IGFN1: variants seen among roughly 807,000 people sequenced by gnomAD.
IGFN1 encodes the protein immunoglobulin-like and fibronectin type III domain-containing protein 1.
IGFN1 carries 253 observed loss-of-function variants against 289.5 expected under a neutral mutation model. The observed-to-expected ratio is 0.87, with a 90% CI of 0.79 to 0.97. The LOEUF is 0.97. Ranked by LOEUF, IGFN1 falls within the 50% of genes least tolerant of loss-of-function variation. The pLI, the probability that IGFN1 is intolerant of heterozygous loss-of-function variation, is 0.00. For synonymous variants in IGFN1, 1,706 were observed against 1,788.5 expected, an observed-to-expected ratio of 0.95 and a Z score of 1.16; for missense variants, 4,470 against 4,686.1, an observed-to-expected ratio of 0.95 and a Z score of 1.35.
Position 201,216,878 on chromosome 1 carries a change from G to T in IGFN1, c.9595+125G>T. The T allele has an allele frequency of 5.3e-6, 4 of 749,682 alleles. No homozygotes were observed. The South Asian group carries it at 7.3e-5, about 14-fold the overall frequency. 46.4% of individuals were successfully genotyped at this position (749,682 alleles called of 1,614,324 possible). On this transcript the variant is annotated intron_variant, in intron 16 of 23. Transcript: ENST00000335211. ...TGCTCGGGGCTTCGGAGGCCCTTCT[G>T]TAGCACTCTGGAGACTCCTTCCCTC...
chr1:201,217,201 T>A (rs770401303), intron 16 of IGFN1, 86 bp from the exon 17 acceptor site: 1 of 1,217,440 alleles, frequency 8.2e-7, no homozygotes, highest in Non-Finnish European at 1.2e-6. Flanking sequence ...CTGTCCCAGA[T>A]GCCTGTGCCC....
Position 201,206,838 on chromosome 1 carries a change from G to C in IGFN1, c.1945G>C (p.Gly649Arg). 1 of 1,536,960 alleles carries C rather than the reference G, an allele frequency of 6.5e-7. No individual in the cohort carries two copies. Among genetic ancestry groups the C allele is most frequent in the Non-Finnish European group, 8.7e-7 (1 of 1,146,862 alleles). ...DRGDAPSRERGRGIVVWGGGT... is the reference protein window; with the variant it reads ...DRGDAPSRERRRGIVVWGGGT... ...AGGGGATGCTCCAAGTAGGGAAAGG[G>C]GGAGAGGAATAGTAGTGTGGGGTGG... Residue 649 changes from glycine to arginine, a missense_variant, in exon 12 of 24, where the codon GGG (glycine) becomes CGG (arginine). Gly to Arg is a moderately radical substitution (Grantham distance 125). Transcript: ENST00000335211.
At chr1:201,194,300 G>A (rs964126609) in intron 3 of IGFN1, 27 bp downstream of exon 3, 1 of 1,549,726 alleles carries the variant, frequency 6.5e-7, no homozygotes, top group East Asian at 2.4e-5. Flanking sequence ...GCTGCGGAGG[G>A]GAGGCAAGAT....
Position 201,208,511 on chromosome 1 carries a change from T to G in IGFN1, c.3618T>G (p.Tyr1206Ter). ...CCGCTTCTGGGAGCCAGTGGGCTTA[T>G]GGGGCTGGCAATGTGCTGGGTTATG... ...NGAASGSQWA[Y>*]GAGNVLGYED... Residue 1206 changes from tyrosine to a stop codon, truncating the protein, a stop_gained, in exon 12 of 24, where the codon TAT (tyrosine) becomes TAG (stop). Coordinates refer to ENST00000335211, the MANE Select transcript of IGFN1 (RefSeq NM_001164586.2). LOFTEE classifies it high-confidence loss of function. 6.9e-7 allele frequency: 1 copy of G among 1,451,478 alleles called. No individual in the cohort carries two copies. The highest frequency in any genetic ancestry group is 9.0e-7 in the Non-Finnish European group (1 of 1,110,128). The allele number at this position is 1,451,478 out of a possible 1,614,324, so 89.9% of individuals were successfully genotyped here. A position where few individuals can be genotyped will look rare whatever the true frequency, so the allele number is the denominator to read the frequency against.
At chr1:201,221,949 A>G (rs1264506015) in intron 19 of IGFN1, among the ~76,000 whole-genome samples, 3 of 152,228 alleles carry the variant, frequency 2.0e-5, no homozygotes, top group East Asian at 1.9e-4. Flanking sequence ...ACTCATAACT[A>G]TACTACAATA....
At position 201,218,657 on chromosome 1, in the gene IGFN1, G is replaced by T; in HGVS notation, c.9897G>T (p.Met3299Ile). 1 of 1,602,780 alleles carries T rather than the reference G, an allele frequency of 6.2e-7. No homozygotes were observed. Among genetic ancestry groups the T allele is most frequent in the Non-Finnish European group, 8.5e-7 (1 of 1,178,444 alleles). Reference protein sequence around the residue: ...PSDAVFARDPMRPPGLVRNLQ... With the variant: ...PSDAVFARDPIRPPGLVRNLQ... Reference sequence around the variant, plus strand: ...ATGCTGTCTTTGCTCGGGACCCCATGAGTAAGTAGGGCACCAACCCAGGAT... The same window carrying T: ...ATGCTGTCTTTGCTCGGGACCCCATTAGTAAGTAGGGCACCAACCCAGGAT... Residue 3299 changes from methionine (M) to isoleucine (I), a missense_variant and splice_region_variant, in exon 18 of 24, where the codon ATG becomes ATT. By Grantham distance (10) the Met-to-Ile change is conservative. Coordinates refer to ENST00000335211, the MANE Select transcript of IGFN1 (RefSeq NM_001164586.2).
chr1:201,195,149 C>CT (rs149647238), intron 3 of IGFN1, among the ~76,000 whole-genome samples: 85 of 147,122 alleles, frequency 5.8e-4, no homozygotes, highest in African/African-American at 7.3e-4. Context: ...AAAATCTCTT[C>CT]TTTTTTTTTT....
Position 201,225,824 on chromosome 1 carries a change from C to T in IGFN1, c.10487C>T (p.Ala3496Val). The change falls in exon 22 of 24, where the codon GCA becomes GTA. Residue 3496 changes from alanine to valine, a missense_variant and splice_region_variant. Ala to Val is a moderately conservative substitution (Grantham distance 64). Transcript: ENST00000335211. ...CCTCCCTCTGCCGTCTCTCCTGAAG[C>T]ATGCCCGCAGGCCCCTGGGCCCATC... ...VAHSFRIRVA[A>V]CPQAPGPIHL... 1.2e-6 allele frequency: 2 copies of T among 1,609,754 alleles called. No homozygotes were observed. Among genetic ancestry groups the T allele is most frequent in the Middle Eastern group, 3.7e-4 (2 of 5,348 alleles).
At chr1:201,202,357 G>A (rs147820875) in intron 9 of IGFN1, among the ~76,000 whole-genome samples, 2 of 152,234 alleles carry the variant, frequency 1.3e-5, no homozygotes, top group East Asian at 3.9e-4. Context: ...TTGTGAACTG[G>A]GGATAATATA....
Position 201,194,188 on chromosome 1 carries a change from C to A in IGFN1, c.42C>A (p.Ser14Arg), listed in dbSNP as rs773343563. ...GGAAGTCCCACATCCCTGGAGTGAG[C>A]ATCTGGCAGCTGGTGGAGGAGATCC... is the stretch of plus-strand genomic sequence containing the variant. ...KLRKSHIPGVSIWQLVEEIPE... is the reference protein window; with the variant it reads ...KLRKSHIPGVRIWQLVEEIPE... The change falls in exon 3 of 24, where the codon AGC becomes AGA. Residue 14 changes from serine to arginine, a missense_variant. Coordinates refer to ENST00000335211, the MANE Select transcript of IGFN1 (RefSeq NM_001164586.2). 11 of 1,551,530 alleles carry A rather than the reference C, an allele frequency of 7.1e-6. No individual in the cohort carries two copies. Among genetic ancestry groups the A allele is most frequent in the Non-Finnish European group, 9.6e-6 (11 of 1,146,958 alleles).
chr1:201,219,029 C>A (rs1653533091), intron 18 of IGFN1, among the ~76,000 whole-genome samples: 1 of 147,914 alleles, frequency 6.8e-6, no homozygotes, highest in Non-Finnish European at 1.5e-5. Context: ...CAGAGGGAGA[C>A]CCTGTTACAA....
Position 201,208,653 on chromosome 1 carries a change from G to A in IGFN1, c.3760G>A (p.Asp1254Asn). The A allele has an allele frequency of 6.5e-7, 1 of 1,535,354 alleles. No homozygotes were observed. Among genetic ancestry groups the A allele is most frequent in the South Asian group, 1.2e-5 (1 of 83,696 alleles). ...TGPGGEAGFR[D>N]GSGGLQGMGS... ...GCCAGGGGGTGAGGCAGGCTTTAGA[G>A]ATGGTTCAGGAGGCCTCCAAGGAAT... is the stretch of plus-strand genomic sequence containing the variant. Residue 1254 changes from aspartate (D) to asparagine (N), a missense_variant, in exon 12 of 24, where the codon GAT becomes AAT. Transcript: ENST00000335211.
chr1:201,211,519 T>C lies in IGFN1; in HGVS notation c.6626T>C (p.Val2209Ala). The C allele has an allele frequency of 6.7e-7, 1 of 1,494,056 alleles. No individual in the cohort carries two copies. The highest frequency in any genetic ancestry group is 8.9e-7 in the Non-Finnish European group (1 of 1,124,732). 92.5% of individuals were successfully genotyped at this position (1,494,056 alleles called of 1,614,324 possible). Reference protein sequence around the residue: ...GLGGSEEMGSVNKAGYRKDLG... With the variant: ...GLGGSEEMGSANKAGYRKDLG... ...GGGGGTTCTGAAGAAATGGGGTCAG[T>C]GAATAAGGCAGGTTATAGGAAGGAT... The change falls in exon 12 of 24, where the codon GTG becomes GCG. Residue 2209 changes from valine (V) to alanine (A), a missense_variant. This residue lies in a region of IGFN1 where 2,218 missense variants were observed against 2,114.1 expected (regional missense o/e 1.05). Coordinates refer to ENST00000335211, the MANE Select transcript of IGFN1 (RefSeq NM_001164586.2).
At position 201,216,629 on chromosome 1, in the gene IGFN1, C is replaced by A; in HGVS notation, c.9471C>A (p.Asp3157Glu). 1.2e-6 allele frequency: 2 copies of A among 1,613,982 alleles called. No individual in the cohort carries two copies. The highest frequency in any genetic ancestry group is 8.5e-7 in the Non-Finnish European group (1 of 1,179,938). The change falls in exon 16 of 24, where the codon GAC becomes GAA. Residue 3157 changes from aspartate (D) to glutamate (E), a missense_variant. Physicochemically the swap from Asp to Glu is conservative, Grantham distance 45. Around this residue, in one of 8 missense-constraint regions of IGFN1, gnomAD observed 2,218 missense variants for 2,114.1 expected, o/e 1.05. Coordinates refer to ENST00000335211, the MANE Select transcript of IGFN1 (RefSeq NM_001164586.2). ...TWLKVGEAPA[D>E]STTFTDAHVE... ...TGAAGGTGGGCGAGGCCCCCGCTGACAGCACCACCTTCACGGATGCCCATG... is the reference window on the plus strand; with the variant it reads ...TGAAGGTGGGCGAGGCCCCCGCTGAAAGCACCACCTTCACGGATGCCCATG...
At position 201,214,313 on chromosome 1, in the gene IGFN1, C is replaced by A; in HGVS notation, c.8853+12C>A. 6.3e-7 allele frequency: 1 copy of A among 1,597,888 alleles called. No homozygotes were observed. The highest frequency in any genetic ancestry group is 8.6e-7 in the Non-Finnish European group (1 of 1,168,004). On this transcript the variant is annotated intron_variant, in intron 13 of 23. Transcript: ENST00000335211. Reference sequence around the variant, plus strand: ...AGGATGGCGTCAAGGTACTGCCTCCCCTCACACCTTCTCTTTACCAGTGGG... The same window carrying A: ...AGGATGGCGTCAAGGTACTGCCTCCACTCACACCTTCTCTTTACCAGTGGG...
In IGFN1 at chr1:201,225,956, C is replaced by T. The variant is rs374356845; in HGVS notation, c.10619C>T (p.Ala3540Val). The change falls in exon 22 of 24, where the codon GCG (alanine) becomes GTG (valine). Residue 3540 changes from alanine to valine, a missense_variant. By Grantham distance (64) the Ala-to-Val change is moderately conservative (BLOSUM62 0). Around this residue, in one of 8 missense-constraint regions of IGFN1, gnomAD observed 2,218 missense variants for 2,114.1 expected, o/e 1.05. Coordinates refer to ENST00000335211, the MANE Select transcript of IGFN1 (RefSeq NM_001164586.2). ...TACGCGGTGTTCACACGCTCCTCAGCGCACGGTCCCTGGCACGAGGCAGCC... is the reference window on the plus strand; with the variant it reads ...TACGCGGTGTTCACACGCTCCTCAGTGCACGGTCCCTGGCACGAGGCAGCC... ...LHYAVFTRSS[A>V]HGPWHEAADR... The T allele has an allele frequency of 3.8e-5, 60 of 1,592,260 alleles. No homozygotes were observed. The highest frequency in any genetic ancestry group is 1.1e-4 in the East Asian group (5 of 44,664).
chr1:201,215,831 A>G lies in IGFN1; in HGVS notation c.9288A>G (p.Gln3096=). ...CTGTGCAGGCCGAGCTCACTCTGCA[A>G]GTCATAGGTACCAGCCCTGTCTTCC... The part of the protein sequence containing the change: ...GGSVQAELTL[Q]VIDKPDPPQG... The change falls in exon 15 of 24, where the codon CAA becomes CAG. Residue 3096 remains glutamine, a synonymous_variant. Transcript: ENST00000335211. 6.2e-7 allele frequency: 1 copy of G among 1,600,712 alleles called. No homozygotes were observed. The highest frequency in any genetic ancestry group is 8.5e-7 in the Non-Finnish European group (1 of 1,173,212).
At chr1:201,200,531 G>C in intron 8 of IGFN1, 120 bp downstream of exon 8, 1 of 791,686 alleles carries the variant, frequency 1.3e-6, no homozygotes, top group Non-Finnish European at 2.0e-6. Context: ...TGATCAAGGG[G>C]CCTGTCTCCA....
intron 3 of IGFN1, 103 bp downstream of exon 3, chr1:201,194,376 T>C: frequency 7.8e-7 from 1 of 1,274,606 alleles, no homozygotes; most frequent in South Asian, 1.4e-5. Context: ...CCAGGCCCTA[T>C]ATCCATCACT....
Sources: allele counts gnomAD v4.1 joint callset (sites outside exome capture counted in the v4.1 genomes callset), GRCh38; gene constraint gnomAD v4.1.1; regional missense constraint gnomAD v4.1.1; transcripts MANE v1.5; gene names NCBI Gene and HGNC (gene_info 2026-07-23, HGNC 2026-07-21).